WNK1: variants seen among roughly 807,000 people sequenced by gnomAD.
The protein encoded by WNK1 is serine/threonine-protein kinase WNK1.
A neutral mutation model predicts 222.8 loss-of-function variants in WNK1; 38 were observed. The observed-to-expected ratio is 0.17, with a 90% CI of 0.13 to 0.22. WNK1 has a LOEUF of 0.22. Among genes scored for constraint, WNK1 ranks in the 10% least tolerant of loss-of-function variants. The pLI, the probability that WNK1 is intolerant of heterozygous loss-of-function variation, is 1.00. For synonymous variants in WNK1, 1,090 were observed against 1,092.9 expected (o/e 1.00, Z 0.05); for missense variants, 2,348 against 2,918.4 (o/e 0.80, Z 4.50).
At position 753,431 on chromosome 12, in the gene WNK1, A is replaced by AG; in HGVS notation, c.-134dup. On this transcript the variant is annotated 5_prime_UTR_variant, in exon 1 of 28. Transcript: ENST00000315939. This position sits in a 1 kb window ranked among gnomAD's most constrained non-coding sequence, Gnocchi z 5.2. ...CCCTCGTTGCGGCTTGTCGGTGCTG[A>AG]GTGAGGCGTCGTCCGGGTCGGCGCG... is the stretch of plus-strand genomic sequence containing the variant. The AG allele has an allele frequency of 8.5e-7, 1 of 1,171,844 alleles. No homozygotes were observed. The highest frequency in any genetic ancestry group is 2.2e-5 in the Admixed American group (1 of 46,086). 72.6% of individuals were successfully genotyped at this position (1,171,844 alleles called of 1,614,324 possible).
chr12:882,305 T>C (rs1313776041), intron 14 of WNK1, among the ~76,000 whole-genome samples: 2 of 152,142 alleles, frequency 1.3e-5, no homozygotes, highest in African/African-American at 4.8e-5. Flanking sequence ...TTCAAGCGAT[T>C]CTCCTGCCTC....
intron 1 of WNK1, among the ~76,000 whole-genome samples, chr12:770,970 G>C (rs79256010): frequency 6.6e-6 from 1 of 152,026 alleles, no homozygotes; most frequent in Non-Finnish European, 1.5e-5. Flanking sequence ...TTTGGAATAC[G>C]TTAAATGCAT....
intron 9 of WNK1, among the ~76,000 whole-genome samples, chr12:875,883 A>T (rs1436201584): frequency 2.6e-5 from 4 of 152,218 alleles, no homozygotes; most frequent in African/African-American, 9.6e-5. Context: ...AATGAGTTAG[A>T]TAATTATAGA....
intron 4 of WNK1, among the ~76,000 whole-genome samples, chr12:853,116 C>T (rs182365068): frequency 3.0e-4 from 46 of 152,242 alleles, no homozygotes; most frequent in Admixed American, 2.1e-3. Flanking sequence ...TATTGGCTAA[C>T]TTGGCACCTA....
chr12:850,666 C>A (rs11064569), intron 4 of WNK1, among the ~76,000 whole-genome samples: 17,757 of 151,628 alleles, frequency 0.12, 1,014 homozygotes, highest in Middle Eastern at 0.18. Context: ...CTGAATGGTA[C>A]TGCCTAGGTT....
chr12:776,060 A>G (rs541816893), intron 1 of WNK1, among the ~76,000 whole-genome samples: 2 of 152,178 alleles, frequency 1.3e-5, no homozygotes, highest in Non-Finnish European at 2.9e-5. Flanking sequence ...TAAAGACAGG[A>G]TCTCATTCTG....
Position 884,024 on chromosome 12 carries a change from C to T in WNK1, c.3722-97C>T. 1.3e-6 allele frequency: 2 copies of T among 1,568,654 alleles called. No homozygotes were observed. Among genetic ancestry groups the T allele is most frequent in the African/African-American group, 2.7e-5 (2 of 73,554 alleles). On this transcript the variant is annotated intron_variant, in intron 17 of 27. Coordinates refer to ENST00000315939, the MANE Select transcript of WNK1 (RefSeq NM_018979.4). The surrounding 1 kb of genome is among the most constrained non-coding windows in gnomAD (Gnocchi z 5.6). ...GCCTGGGTGAGAGAATGAGACCGTG[C>T]CTCAAAAAAAGCAGTTGTATGTGCC...
At chr12:821,844 C>T (rs1348912723) in intron 2 of WNK1, among the ~76,000 whole-genome samples, 2 of 152,078 alleles carry the variant, frequency 1.3e-5, no homozygotes, top group Non-Finnish European at 2.9e-5. Flanking sequence ...TTTGCTACCT[C>T]ACCCTCTTTT....
At chr12:887,337 C>T (rs1592184141) in intron 20 of WNK1, 33 bp downstream of exon 20, 1 of 1,606,774 alleles carries the variant, frequency 6.2e-7, no homozygotes, top group Non-Finnish European at 8.5e-7. Context: ...TCTTCCTGTG[C>T]CCTACTTTCT....
intron 8 of WNK1, among the ~76,000 whole-genome samples, chr12:869,769 A>G (rs1331344109): frequency 6.6e-6 from 1 of 151,832 alleles, no homozygotes; most frequent in Non-Finnish European, 1.5e-5. Context: ...AAAATTAAGG[A>G]CTGATTCTAA....
At chr12:780,736 T>G (rs11064524) in intron 1 of WNK1, among the ~76,000 whole-genome samples, 33,700 of 152,192 alleles carry the variant, frequency 0.22, 3,969 homozygotes, top group East Asian at 0.32. Context: ...GTGGGAGACT[T>G]AGTTCTAATG....
At chr12:851,151 G>C (rs1041141173) in intron 4 of WNK1, among the ~76,000 whole-genome samples, 1 of 152,180 alleles carries the variant, frequency 6.6e-6, no homozygotes, top group African/African-American at 2.4e-5. Flanking sequence ...ATTGAACTGA[G>C]AACCCAGCCC....
Position 827,090 on chromosome 12 carries a change from G to A in WNK1, c.981G>A (p.Trp327Ter). The change falls in exon 3 of 28, where the codon TGG becomes TGA. Residue 327 changes from tryptophan (W) to a stop codon, truncating the protein, a stop_gained. Coordinates refer to ENST00000315939, the MANE Select transcript of WNK1 (RefSeq NM_018979.4). LOFTEE classifies it high-confidence loss of function. The surrounding 1 kb of genome is among the most constrained non-coding windows in gnomAD (Gnocchi z 4.6). ...TGAAGATCAAAGTTCTAAGAAGCTG[G>A]TGCCGTCAGATCCTTAAAGGTCTTC... ...KVMKIKVLRS[W>*]CRQILKGLQF... 6.2e-7 allele frequency: 1 copy of A among 1,614,032 alleles called. No individual in the cohort carries two copies. The highest frequency in any genetic ancestry group is 1.3e-5 in the African/African-American group (1 of 75,044).
At chr12:852,252 C>T (rs909560625) in intron 4 of WNK1, among the ~76,000 whole-genome samples, 1 of 152,044 alleles carries the variant, frequency 6.6e-6, no homozygotes, top group Admixed American at 6.5e-5. Flanking sequence ...AATAATACAA[C>T]ATAAAATTTG....
At chr12:896,939 C>CACGA (rs1954800047) in intron 24 of WNK1, among the ~76,000 whole-genome samples, 2 of 117,388 alleles carry the variant, frequency 1.7e-5, no homozygotes, top group African/African-American at 6.7e-5. Flanking sequence ...CACACACACA[C>CACGA]GATTCCCAAC....
chr12:889,413 G>T (rs915737044), intron 21 of WNK1, among the ~76,000 whole-genome samples, 190 bp downstream of exon 21: 1 of 152,226 alleles, frequency 6.6e-6, no homozygotes, highest in Non-Finnish European at 1.5e-5. Flanking sequence ...CTATGGAAAA[G>T]ATTTTATTTG....
At position 870,233 on chromosome 12, in the gene WNK1, T is replaced by C. The variant is rs112805791; in HGVS notation, c.2140-1032T>C. The stretch of plus-strand genomic sequence containing the variant: ...CTAAGACACAAAAAGATCCAGAAGC[T>C]TGACAGCTATACATGGGCATGCAGT... On this transcript the variant is annotated intron_variant, in intron 8 of 27. Coordinates refer to ENST00000315939, the MANE Select transcript of WNK1 (RefSeq NM_018979.4). Among the ~76,000 whole-genome samples, 710 of 152,328 alleles carry C rather than the reference T, an allele frequency of 4.7e-3. 3 individuals are homozygous for C. Among genetic ancestry groups the C allele is most frequent in the Non-Finnish European group, 7.3e-3 (497 of 68,026 alleles).
intron 8 of WNK1, among the ~76,000 whole-genome samples, chr12:864,683 T>G (rs1228407911): frequency 1.3e-5 from 2 of 152,170 alleles, no homozygotes; most frequent in Non-Finnish European, 1.5e-5. Context: ...ATCTTAAAAT[T>G]CTCTGTATCT....
In WNK1 at chr12:909,106, A is replaced by G; in HGVS notation, c.*314A>G. 1 of 359,412 alleles carries G rather than the reference A, an allele frequency of 2.8e-6. No individual in the cohort carries two copies. Among genetic ancestry groups the G allele is most frequent in the Non-Finnish European group, 5.2e-6 (1 of 191,228 alleles). The allele number at this position is 359,412 out of a possible 1,614,324, so 22.3% of individuals were successfully genotyped here. A position where few individuals can be genotyped will look rare whatever the true frequency, so the allele number is the denominator to read the frequency against. On this transcript the variant is annotated 3_prime_UTR_variant, in exon 28 of 28. Coordinates refer to ENST00000315939, the MANE Select transcript of WNK1 (RefSeq NM_018979.4). ...AAAGTCTTGTTCATAAGGAAGCTGG[A>G]GAACTCAATGTAAAATCAAACCCAT...
Sources: gnomAD v4.1 joint callset for allele counts (sites outside exome capture counted in the v4.1 genomes callset) on GRCh38, gnomAD v4.1.1 for gene constraint, Gnocchi (gnomAD v3.1) non-coding constraint, MANE v1.5 for transcripts, NCBI Gene and HGNC (gene_info 2026-07-23, HGNC 2026-07-21) for gene names.